ZFAT: variants seen among roughly 807,000 people sequenced by gnomAD.
ZFAT encodes the protein zinc finger protein ZFAT.
In ZFAT, 64 loss-of-function variants were observed where a neutral mutation model predicts 117.7. The observed-to-expected ratio is 0.54, with a 90% CI of 0.44 to 0.67. The LOEUF is 0.67. Ranked by LOEUF, ZFAT falls within the 30% of genes least tolerant of loss-of-function variation. The probability of loss-of-function intolerance (pLI) is 0.00; values close to 1 mark genes in which losing one functional copy is unlikely to be tolerated. For synonymous variants in ZFAT, 679 were observed against 615.0 expected, an observed-to-expected ratio of 1.10 and a Z score of -1.54; for missense variants, 1,433 against 1,584.5, an observed-to-expected ratio of 0.90 and a Z score of 1.62.
intron 2 of ZFAT, 106 bp from the exon 3 acceptor site, chr8:134,637,818 A>T: frequency 6.9e-7 from 1 of 1,450,452 alleles, no homozygotes; most frequent in Non-Finnish European, 9.2e-7. Context: ...CGTTTCATTA[A>T]AAATGAAAAG....
rs889733613 is a variant in ZFAT at position 134,583,230 on chromosome 8, G to C, written c.2887+602C>G. ...CTGCCTTCTAGATTACGAACTCCTT[G>C]AACGCAGGAACTTGTCTCTACTTGA... is the stretch of plus-strand genomic sequence containing the variant. On this transcript the variant is annotated intron_variant, in intron 10 of 15. Coordinates refer to ENST00000377838, the MANE Select transcript of ZFAT (RefSeq NM_020863.4). 2.0e-5 allele frequency among the ~76,000 whole-genome samples: 3 copies of C among 152,082 alleles called. 1 individual carries two copies. Among genetic ancestry groups the C allele is most frequent in the East Asian group, 1.9e-4 (1 of 5,190 alleles).
intron 15 of ZFAT, among the ~76,000 whole-genome samples, chr8:134,480,612 C>T (rs1430109875): frequency 6.6e-6 from 1 of 152,214 alleles, no homozygotes; most frequent in African/African-American, 2.4e-5. Flanking sequence ...GCAGGGGCAG[C>T]CTATGCCAGT....
At chr8:134,634,239 G>A (rs1258019143) in intron 3 of ZFAT, among the ~76,000 whole-genome samples, 1 of 152,146 alleles carries the variant, frequency 6.6e-6, no homozygotes, top group African/African-American at 2.4e-5. Context: ...ATTAGTGAGT[G>A]AAAAAAGATC....
At chr8:134,561,946 G>A (rs920682010) in intron 11 of ZFAT, among the ~76,000 whole-genome samples, 3 of 152,146 alleles carry the variant, frequency 2.0e-5, no homozygotes, top group Admixed American at 6.5e-5. Flanking sequence ...CCCGGAACCC[G>A]TAAATATGTT....
the ZFAT span, among the ~76,000 whole-genome samples, chr8:134,778,679 G>C: frequency 6.6e-6 from 1 of 152,220 alleles, no homozygotes; most frequent in Non-Finnish European, 1.5e-5. Context: ...GGAATGAAAA[G>C]AATGCAAAGG....
chr8:134,752,820 C>T, the ZFAT span, among the ~76,000 whole-genome samples: 2 of 152,086 alleles, frequency 1.3e-5, no homozygotes, highest in Non-Finnish European at 2.9e-5. Flanking sequence ...TTCTTATAAT[C>T]CGATTATAAG....
At chr8:134,754,368 A>C in the ZFAT span, among the ~76,000 whole-genome samples, 104 of 152,338 alleles carry the variant, frequency 6.8e-4, 2 homozygotes, top group South Asian at 0.014. Context: ...AAGTTTCCTC[A>C]AAGGAGAGTT....
At chr8:134,623,336 C>G (rs907107930) in intron 3 of ZFAT, among the ~76,000 whole-genome samples, 3 of 152,196 alleles carry the variant, frequency 2.0e-5, no homozygotes, top group African/African-American at 7.2e-5. Context: ...CAGGAGGCTG[C>G]CCTTGGTGGT....
chr8:134,529,651 A>C (rs1462315920), intron 12 of ZFAT, among the ~76,000 whole-genome samples: 1 of 152,214 alleles, frequency 6.6e-6, no homozygotes, highest in East Asian at 1.9e-4. Context: ...AATGTCACCC[A>C]GTGCCCTCAG....
intron 1 of ZFAT, among the ~76,000 whole-genome samples, chr8:134,686,605 C>T (rs1003406880): frequency 3.3e-5 from 5 of 152,164 alleles, no homozygotes; most frequent in Non-Finnish European, 7.3e-5. Flanking sequence ...CAACATAGAT[C>T]GGAACACTAT....
intron 13 of ZFAT, among the ~76,000 whole-genome samples, chr8:134,513,029 G>C (rs1361709406): frequency 6.6e-6 from 1 of 152,156 alleles, no homozygotes; most frequent in Non-Finnish European, 1.5e-5. Context: ...CACAGCCATG[G>C]GGCAGCTGAC....
the ZFAT span, among the ~76,000 whole-genome samples, chr8:134,757,002 T>TA: frequency 7.1e-6 from 1 of 141,006 alleles, no homozygotes; most frequent in South Asian, 2.3e-4. Context: ...CATTCCCACC[T>TA]TCTTTCCTTT....
the ZFAT span, among the ~76,000 whole-genome samples, chr8:134,741,408 T>C: frequency 6.6e-6 from 1 of 152,208 alleles, no homozygotes; most frequent in East Asian, 1.9e-4. Context: ...CTCAGCAGCG[T>C]TGGGTTCTTA....
chr8:134,490,046 C>G (rs1015009644), intron 15 of ZFAT, among the ~76,000 whole-genome samples: 1 of 152,192 alleles, frequency 6.6e-6, no homozygotes, highest in African/African-American at 2.4e-5. Context: ...CCAGTCCTCC[C>G]CTCCCCAGAG....
chr8:134,685,950 G>T (rs899354736), intron 1 of ZFAT, among the ~76,000 whole-genome samples: 5 of 152,194 alleles, frequency 3.3e-5, no homozygotes, highest in African/African-American at 7.2e-5. Flanking sequence ...CCAGGTAGGG[G>T]ATTACAAGGT....
chr8:134,611,032 A>C (rs969286986), intron 3 of ZFAT, among the ~76,000 whole-genome samples: 1 of 152,264 alleles, frequency 6.6e-6, no homozygotes, highest in East Asian at 1.9e-4. Flanking sequence ...CACTTATTCA[A>C]CTTACACTTA....
At chr8:134,744,753 G>A in the ZFAT span, among the ~76,000 whole-genome samples, 77 of 112,522 alleles carry the variant, frequency 6.8e-4, no homozygotes, top group Non-Finnish European at 1.6e-4. Flanking sequence ...TTTTTGAGAC[G>A]GAGGCTTGCT....
At chr8:134,623,900 G>GC (rs1829304235) in intron 3 of ZFAT, among the ~76,000 whole-genome samples, 2 of 151,986 alleles carry the variant, frequency 1.3e-5, no homozygotes, top group East Asian at 3.9e-4. Flanking sequence ...TGCTAGAGAA[G>GC]CCCCTTCCAC....
rs548622702 is a variant in ZFAT at position 134,669,853 on chromosome 8, G to A, written c.20-12116C>T. On this transcript the variant is annotated intron_variant, in intron 1 of 15. Transcript: ENST00000377838. ...ACCCATCAGTGTGCTGTATTCAGGA[G>A]ACCCATCTCACGTGCAGAGACACAC... Among the ~76,000 whole-genome samples, 34 of 152,262 alleles carry A rather than the reference G, an allele frequency of 2.2e-4. No individual in the cohort carries two copies. In the South Asian group the frequency reaches 5.2e-3, roughly 23 times the overall value.
Sources: gnomAD v4.1 joint callset for allele counts (sites outside exome capture counted in the v4.1 genomes callset) on GRCh38, gnomAD v4.1.1 for gene constraint, MANE v1.5 for transcripts, NCBI Gene and HGNC (gene_info 2026-07-23, HGNC 2026-07-21) for gene names.